The following ACOT13 variants were observed in gnomAD, a reference collection of about 807,000 sequenced individuals.
The protein encoded by ACOT13 is acyl-coenzyme A thioesterase 13.
A neutral mutation model predicts 11.8 loss-of-function variants in ACOT13; 10 were observed. The observed-to-expected ratio is 0.85, with a 90% CI of 0.53 to 1.44. ACOT13 has a LOEUF of 1.44. ACOT13 is among the 40% of genes most tolerant of loss of function. ACOT13 has a pLI of 0.00. For synonymous variants in ACOT13, 53 were observed against 61.0 expected, an observed-to-expected ratio of 0.87 and a Z score of 0.61; for missense variants, 172 against 174.1, an observed-to-expected ratio of 0.99 and a Z score of 0.07.
At position 24,704,113 on chromosome 6, in the gene ACOT13, T is replaced by C. The variant is rs1233054626; in HGVS notation, c.*2498T>C. The C allele has an allele frequency of 1.3e-5, 2 of 152,182 alleles. No homozygotes were observed. The highest frequency in any genetic ancestry group is 1.5e-5 in the Non-Finnish European group (1 of 68,034). The allele number at this position is 152,182 out of a possible 1,614,324, so 9.4% of individuals were successfully genotyped here. Reference sequence around the variant, plus strand: ...GAGTATCAACATTCCCTGAGTTTGGTAATTTTACTCTAGTTATATGAAATA... The same window carrying C: ...GAGTATCAACATTCCCTGAGTTTGGCAATTTTACTCTAGTTATATGAAATA... On this transcript the variant is annotated 3_prime_UTR_variant, in exon 3 of 3. Transcript: ENST00000230048.
intron 2 of ACOT13, 112 bp from the exon 3 acceptor site, chr6:24,701,347 T>C (rs1372111142): frequency 3.1e-6 from 3 of 963,564 alleles, no homozygotes; most frequent in Non-Finnish European, 4.5e-6. Context: ...AATACTACCG[T>C]TAAAACTATT....
rs1221996235 is a variant in ACOT13 at position 24,701,727 on chromosome 6, A to G, written c.*112A>G. On this transcript the variant is annotated 3_prime_UTR_variant, in exon 3 of 3. Coordinates refer to ENST00000230048, the MANE Select transcript of ACOT13 (RefSeq NM_018473.4). ...AGCAAAACCAGAAGCAGCTAGAAAT[A>G]TTCTTGGAGGAAAAGGACCTGGATA... is the stretch of plus-strand genomic sequence containing the variant. The G allele has an allele frequency of 2.2e-5, 26 of 1,184,956 alleles. 1 individual carries two copies. In the East Asian group the frequency reaches 6.7e-4, roughly 30 times the overall value. The allele number at this position is 1,184,956 out of a possible 1,614,324, so 73.4% of individuals were successfully genotyped here.
chr6:24,669,159 G>A (rs536432590), intron 1 of ACOT13, among the ~76,000 whole-genome samples: 4 of 152,324 alleles, frequency 2.6e-5, no homozygotes, highest in East Asian at 3.9e-4. Context: ...TTGAGGATGC[G>A]CACGCAGTGA....
At chr6:24,682,958 A>C (rs940175532) in intron 1 of ACOT13, among the ~76,000 whole-genome samples, 18 of 152,232 alleles carry the variant, frequency 1.2e-4, no homozygotes, top group African/African-American at 3.8e-4. Flanking sequence ...GTTTTTGCCT[A>C]ATTAGCATTT....
At chr6:24,694,788 G>A (rs1427352696) in intron 1 of ACOT13, among the ~76,000 whole-genome samples, 35 of 152,254 alleles carry the variant, frequency 2.3e-4, no homozygotes, top group Non-Finnish European at 7.4e-5. Flanking sequence ...CATTTATATT[G>A]CCATATCAGG....
chr6:24,700,624 C>T (rs1348861230), intron 2 of ACOT13, among the ~76,000 whole-genome samples: 6 of 151,702 alleles, frequency 4.0e-5, no homozygotes, highest in African/African-American at 9.7e-5. Context: ...TTAGTTGAGA[C>T]GGGGTTTCAC....
intron 1 of ACOT13, among the ~76,000 whole-genome samples, chr6:24,691,153 C>T (rs1359650606): frequency 6.6e-6 from 1 of 152,142 alleles, no homozygotes; most frequent in African/African-American, 2.4e-5. Context: ...ATAGTTTGTT[C>T]AGTTAGTTGC....
At chr6:24,687,592 G>A (rs1778652617) in intron 1 of ACOT13, 1 of 1,457,998 alleles carries the variant, frequency 6.9e-7, no homozygotes, top group Non-Finnish European at 9.1e-7. Flanking sequence ...TCAAGAGGAG[G>A]AACACACTGG....
rs1420798092 is a variant in ACOT13, at chr6:24,704,673, C to A, written c.*3058C>A. 2.6e-5 allele frequency: 4 copies of A among 152,328 alleles called. No homozygotes were observed. The East Asian group carries it at 5.8e-4, about 22-fold the overall frequency. 9.4% of individuals were successfully genotyped at this position (152,328 alleles called of 1,614,324 possible). A position where few individuals can be genotyped will look rare whatever the true frequency, so the allele number is the denominator to read the frequency against. On this transcript the variant is annotated 3_prime_UTR_variant, in exon 3 of 3. Coordinates refer to ENST00000230048, the MANE Select transcript of ACOT13 (RefSeq NM_018473.4). ...AATGGCCCTTTCCCATGAAGCAAGG[C>A]ATAAGGCCAGGTTGCTAACTGTTGA...
intron 1 of ACOT13, among the ~76,000 whole-genome samples, chr6:24,674,046 T>C (rs942170294): frequency 1.3e-5 from 2 of 152,180 alleles, no homozygotes; most frequent in African/African-American, 4.8e-5. Flanking sequence ...AAATAAGTTT[T>C]GTGGGGTTTT....
chr6:24,695,554 C>T (rs898363978), intron 1 of ACOT13, among the ~76,000 whole-genome samples: 1 of 152,148 alleles, frequency 6.6e-6, no homozygotes, highest in African/African-American at 2.4e-5. Context: ...CTGTCTACAA[C>T]AGTTTCTTCC....
rs556366042 is a variant in ACOT13, at chr6:24,701,560, A to G, written c.368A>G (p.Lys123Arg). Residue 123 changes from lysine to arginine, a missense_variant, in exon 3 of 3, where the codon AAG becomes AGG. By Grantham distance (26) the Lys-to-Arg change is conservative. Coordinates refer to ENST00000230048, the MANE Select transcript of ACOT13 (RefSeq NM_018473.4). ...LAFTSVDLTN[K>R]ATGKLIAQGR... ...TTTACCTCTGTGGATCTGACCAACA[A>G]GGCCACAGGAAAATTAATAGCACAA... 18 of 1,613,956 alleles carry G rather than the reference A, an allele frequency of 1.1e-5. No individual in the cohort carries two copies. In the South Asian group the frequency reaches 1.5e-4, roughly 14 times the overall value.
At chr6:24,671,335 C>G (rs552787194) in intron 1 of ACOT13, among the ~76,000 whole-genome samples, 87 of 152,104 alleles carry the variant, frequency 5.7e-4, no homozygotes, top group African/African-American at 2.0e-3. Flanking sequence ...AGCTGGAAAC[C>G]ATCATTCTCA....
At chr6:24,701,383 G>A in intron 2 of ACOT13, 76 bp from the exon 3 acceptor site, 2 of 1,333,950 alleles carry the variant, frequency 1.5e-6, no homozygotes, top group Non-Finnish European at 2.1e-6. Context: ...AGTTACATAG[G>A]AACACTGTTG....
chr6:24,668,682 A>G (rs1452252735), intron 1 of ACOT13, among the ~76,000 whole-genome samples: 1 of 152,242 alleles, frequency 6.6e-6, no homozygotes, highest in Non-Finnish European at 1.5e-5. Flanking sequence ...AAAGCAACCA[A>G]TGAAAGGCTA....
At chr6:24,685,951 G>C (rs1778624011) in intron 1 of ACOT13, among the ~76,000 whole-genome samples, 1 of 152,082 alleles carries the variant, frequency 6.6e-6, no homozygotes, top group African/African-American at 2.4e-5. Context: ...CCAGCACTTT[G>C]GGAGGCCTAG....
chr6:24,698,151 A>T (rs1320370376), intron 2 of ACOT13, 84 bp downstream of exon 2: 8 of 1,197,016 alleles, frequency 6.7e-6, no homozygotes, highest in African/African-American at 1.6e-5. Context: ...TATTATTAGT[A>T]ACGCATGAGA....
rs906841084 is a variant in ACOT13, at chr6:24,698,032, G to A, written c.231G>A (p.Arg77=). ...CAATGGCTCTGCTATGCACGGAAAG[G>A]GGAGCACCCGGAGTCAGTGTCGATA... ...ISTMALLCTE[R]GAPGVSVDMN... Residue 77 remains arginine, a synonymous_variant, in exon 2 of 3, where the codon AGG becomes AGA. Transcript: ENST00000230048. 4 of 1,611,080 alleles carry A rather than the reference G, an allele frequency of 2.5e-6. No individual in the cohort carries two copies. Among genetic ancestry groups the A allele is most frequent in the Non-Finnish European group, 3.4e-6 (4 of 1,178,922 alleles).
intron 2 of ACOT13, among the ~76,000 whole-genome samples, chr6:24,698,862 T>C (rs1056635472): frequency 6.6e-6 from 1 of 152,138 alleles, no homozygotes. Flanking sequence ...GGTCTTGAAC[T>C]CCTGACCTCC....
Sources: gnomAD v4.1 joint callset for allele counts (sites outside exome capture counted in the v4.1 genomes callset) on GRCh38, gnomAD v4.1.1 for gene constraint, MANE v1.5 for transcripts, NCBI Gene and HGNC (gene_info 2026-07-23, HGNC 2026-07-21) for gene names.